C1orf87: variants seen among roughly 807,000 people sequenced by gnomAD.
The protein encoded by C1orf87 is uncharacterized protein C1orf87.
In C1orf87, 58 loss-of-function variants were observed where a neutral mutation model predicts 60.5. The observed-to-expected ratio is 0.96, with a 90% confidence interval of 0.78 to 1.19. The LOEUF is 1.19. Ranked by LOEUF, C1orf87 falls within the 50% of genes most tolerant of loss-of-function variation. The probability of loss-of-function intolerance (pLI) is 0.00; values close to 1 mark genes in which losing one functional copy is unlikely to be tolerated. For synonymous variants in C1orf87, 236 were observed against 227.4 expected (o/e 1.04, Z -0.34); for missense variants, 673 against 638.6 (o/e 1.05, Z -0.58).
chr1:60,055,508 CAGA>C, intron 2 of C1orf87, 70 bp from the exon 3 acceptor site: 1 of 1,364,610 alleles, frequency 7.3e-7, no homozygotes, highest in Admixed American at 1.7e-5. Context: ...GGCATAAGAA[CAGA>C]AGGTGTGTTT....
intron 11 of C1orf87, 53 bp downstream of exon 11, chr1:59,997,556 T>C (rs1644971648): frequency 6.3e-7 from 1 of 1,576,200 alleles, no homozygotes; most frequent in East Asian, 2.2e-5. Context: ...GTGCCTACTT[T>C]TAGACTAGAC....
chr1:59,992,369 C>T (rs773911489), intron 11 of C1orf87, among the ~76,000 whole-genome samples: 1 of 151,992 alleles, frequency 6.6e-6, no homozygotes, highest in Non-Finnish European at 1.5e-5. Context: ...GATCCTCCCA[C>T]CTAAGCCACA....
At chr1:60,067,562 T>C (rs1645556239) in intron 2 of C1orf87, among the ~76,000 whole-genome samples, 1 of 109,558 alleles carries the variant, frequency 9.1e-6, no homozygotes, top group Non-Finnish European at 2.1e-5. Flanking sequence ...TTGATGGGGT[T>C]TTTTTTTTTT....
At chr1:60,022,865 C>A (rs1208985403) in intron 8 of C1orf87, among the ~76,000 whole-genome samples, 1 of 152,070 alleles carries the variant, frequency 6.6e-6, no homozygotes. Flanking sequence ...AAGTGATTAA[C>A]ACAGGTGTAA....
At chr1:60,008,115 T>C (rs1645058696) in intron 9 of C1orf87, among the ~76,000 whole-genome samples, 1 of 152,002 alleles carries the variant, frequency 6.6e-6, no homozygotes, top group South Asian at 2.1e-4. Flanking sequence ...AAATAAGCAG[T>C]GAGCTATCAC....
intron 9 of C1orf87, among the ~76,000 whole-genome samples, chr1:60,003,844 T>C (rs1645024622): frequency 6.6e-6 from 1 of 152,062 alleles, no homozygotes; most frequent in South Asian, 2.1e-4. Flanking sequence ...TTTCCAATCC[T>C]GGGAGAGGAG....
intron 7 of C1orf87, among the ~76,000 whole-genome samples, chr1:60,032,604 A>T (rs1007838737): frequency 6.6e-6 from 1 of 150,906 alleles, no homozygotes; most frequent in Non-Finnish European, 1.5e-5. Flanking sequence ...TACCTGGCTA[A>T]TTTTTTTTGT....
In C1orf87 at chr1:59,997,802, C is replaced by G. The variant is rs866115059; in HGVS notation, c.1287G>C (p.Glu429Asp). 6 of 1,613,464 alleles carry G rather than the reference C, an allele frequency of 3.7e-6. No individual in the cohort carries two copies. In the African/African-American group the frequency reaches 6.7e-5, roughly 18 times the overall value. Residue 429 changes from glutamate (E) to aspartate (D), a missense_variant, in exon 11 of 12, where the codon GAG becomes GAC. Physicochemically the swap from Glu to Asp is conservative, Grantham distance 45 (BLOSUM62 2). Coordinates refer to ENST00000371201, the MANE Select transcript of C1orf87 (RefSeq NM_152377.3). ...SKTEHMKTPE[E>D]ELQPESSPAE... is the part of the protein sequence containing the mutation. Reference sequence around the variant, plus strand: ...CAGGAGAGCTTTCTGGCTGCAGCTCCTCTTCTGGAGTTTTCTACCAAAACA... The same window carrying G: ...CAGGAGAGCTTTCTGGCTGCAGCTCGTCTTCTGGAGTTTTCTACCAAAACA...
intron 11 of C1orf87, among the ~76,000 whole-genome samples, chr1:59,994,282 T>A (rs652993): frequency 0.96 from 144,426 of 150,198 alleles, 69,327 homozygotes; most frequent in South Asian, 0.99. Flanking sequence ...AAAAAAAAAA[T>A]CAAGCAAAAT....
At chr1:60,019,997 G>C (rs950728076) in intron 8 of C1orf87, among the ~76,000 whole-genome samples, 1 of 152,190 alleles carries the variant, frequency 6.6e-6, no homozygotes, top group Non-Finnish European at 1.5e-5. Flanking sequence ...GAAAGGAAAA[G>C]CACATTTTCT....
chr1:60,054,815 G>A (rs1645441201), intron 3 of C1orf87, among the ~76,000 whole-genome samples: 1 of 152,112 alleles, frequency 6.6e-6, no homozygotes, highest in Admixed American at 6.5e-5. Flanking sequence ...AGACATGGTT[G>A]CATTGTATTT....
intron 3 of C1orf87, among the ~76,000 whole-genome samples, chr1:60,041,709 G>T (rs1187062517): frequency 6.6e-6 from 1 of 152,154 alleles, no homozygotes; most frequent in East Asian, 1.9e-4. Flanking sequence ...ATCTTAAGAA[G>T]GTAGGCCTTG....
intron 2 of C1orf87, among the ~76,000 whole-genome samples, chr1:60,059,521 C>T (rs1022237123): frequency 2.0e-5 from 3 of 152,168 alleles, no homozygotes; most frequent in Non-Finnish European, 2.9e-5. Context: ...TAGAGTCACC[C>T]TCCATTAGAG....
chr1:60,027,447 T>C (rs960456005), intron 7 of C1orf87, among the ~76,000 whole-genome samples: 25 of 152,214 alleles, frequency 1.6e-4, no homozygotes, highest in African/African-American at 6.0e-4. Context: ...TGGCGCTTCC[T>C]CTGGCCCTGC....
chr1:60,048,780 A>T (rs1645391595), intron 3 of C1orf87, among the ~76,000 whole-genome samples: 1 of 151,784 alleles, frequency 6.6e-6, no homozygotes, highest in Non-Finnish European at 1.5e-5. Context: ...TACATAATAG[A>T]TATATATATA....
chr1:60,019,360 T>C (rs77908116), intron 8 of C1orf87, among the ~76,000 whole-genome samples: 3,274 of 152,316 alleles, frequency 0.021, 116 homozygotes, highest in African/African-American at 0.076. Flanking sequence ...CCATCCTTCC[T>C]GTTAAGCCTA....
chr1:60,073,344 C>A (rs1645596760), intron 1 of C1orf87, among the ~76,000 whole-genome samples: 1 of 152,196 alleles, frequency 6.6e-6, no homozygotes, highest in Non-Finnish European at 1.5e-5. Context: ...CCTTTTAGAA[C>A]CACCCAGAGG....
At chr1:60,053,906 A>G (rs1645433420) in intron 3 of C1orf87, among the ~76,000 whole-genome samples, 2 of 152,204 alleles carry the variant, frequency 1.3e-5, no homozygotes, top group Admixed American at 1.3e-4. Flanking sequence ...GGTAGAAATA[A>G]CAATGGTATC....
chr1:60,065,947 T>C (rs1318074923), intron 2 of C1orf87, among the ~76,000 whole-genome samples: 2 of 152,182 alleles, frequency 1.3e-5, no homozygotes, highest in Non-Finnish European at 2.9e-5. Context: ...TTTGGTTTCA[T>C]GGTGCACATA....
Sources: allele counts gnomAD v4.1 joint callset (sites outside exome capture counted in the v4.1 genomes callset), GRCh38; gene constraint gnomAD v4.1.1; transcripts MANE v1.5; gene names NCBI Gene and HGNC (gene_info 2026-07-23, HGNC 2026-07-21).